THUMPD3: variants seen among roughly 807,000 people sequenced by gnomAD.
THUMPD3 encodes the protein tRNA (guanine(6)-N(2))-methyltransferase THUMP3.
THUMPD3 carries 44 observed loss-of-function variants against 54.5 expected under a neutral mutation model. The observed-to-expected ratio is 0.81, with a 90% CI of 0.63 to 1.04. The LOEUF is 1.04. Ranked by LOEUF, THUMPD3 falls within the 50% of genes least tolerant of loss-of-function variation. THUMPD3 has a pLI of 0.00. For missense variants in THUMPD3, 604 were observed against 601.3 expected (o/e 1.00, Z -0.05); for synonymous variants, 196 against 201.4 (o/e 0.97, Z 0.23).
intron 8 of THUMPD3, 129 bp downstream of exon 8, chr3:9,383,438 G>T: frequency 1.6e-6 from 1 of 624,754 alleles, no homozygotes; most frequent in Non-Finnish European, 2.9e-6. Context: ...ACAACATGAT[G>T]GATTCACCCA....
Position 9,365,845 on chromosome 3 carries a change from C to T in THUMPD3, c.252+525C>T, listed in dbSNP as rs576466797. Among the ~76,000 whole-genome samples, 37 of 152,228 alleles carry T rather than the reference C, an allele frequency of 2.4e-4. No homozygotes were observed. In the South Asian group the frequency reaches 7.7e-3, roughly 32 times the overall value. On this transcript the variant is annotated intron_variant, in intron 2 of 9. Transcript: ENST00000452837. Reference sequence around the variant, plus strand: ...AACCCCGTGATCCACCCGCCTCGACCTCCCAAAGTGCTGGGATTACAGGCC... The same window carrying T: ...AACCCCGTGATCCACCCGCCTCGACTTCCCAAAGTGCTGGGATTACAGGCC...
rs954959695 is a variant in THUMPD3, at chr3:9,384,850, TAA to T, written c.*165_*166del. The T allele has an allele frequency of 7.4e-5, 60 of 813,012 alleles. No individual in the cohort carries two copies. The Admixed American group carries it at 1.2e-3, about 16-fold the overall frequency. The allele number at this position is 813,012 out of a possible 1,614,324, so 50.4% of individuals were successfully genotyped here. On this transcript the variant is annotated 3_prime_UTR_variant, in exon 10 of 10. Coordinates refer to ENST00000452837, the MANE Select transcript of THUMPD3 (RefSeq NM_001114092.2). ...GGTGTGAATGTAATGTGATGGAATT[TAA>T]AAGTTTTATGAGACCAGGCACAGTG...
intron 6 of THUMPD3, 144 bp from the exon 7 acceptor site, chr3:9,380,359 A>G (rs891376487): frequency 8.0e-5 from 48 of 596,858 alleles, no homozygotes; most frequent in Non-Finnish European, 1.3e-4. Context: ...ATAAGAGGGC[A>G]TTTTCAGCCA....
At chr3:9,364,847 A>G (rs1170857949) in intron 1 of THUMPD3, among the ~76,000 whole-genome samples, 169 bp from the exon 2 acceptor site, 1 of 152,146 alleles carries the variant, frequency 6.6e-6, no homozygotes, top group Non-Finnish European at 1.5e-5. Context: ...TAATAACATC[A>G]TGTTTTACAG....
rs1213722230 is a variant in THUMPD3, at chr3:9,385,518, C to T, written c.*830C>T. The T allele has an allele frequency of 6.6e-6, 1 of 152,190 alleles. No homozygotes were observed. The highest frequency in any genetic ancestry group is 6.5e-5 in the Admixed American group (1 of 15,274). The allele number at this position is 152,190 out of a possible 1,614,324, so 9.4% of individuals were successfully genotyped here. On this transcript the variant is annotated 3_prime_UTR_variant, in exon 10 of 10. Coordinates refer to ENST00000452837, the MANE Select transcript of THUMPD3 (RefSeq NM_001114092.2). Reference sequence around the variant, plus strand: ...CAAGACCTATAGGAAAGTTTACCATCTGCCTTAAATATTAAAATATCCATC... The same window carrying T: ...CAAGACCTATAGGAAAGTTTACCATTTGCCTTAAATATTAAAATATCCATC...
chr3:9,382,988 G>T, intron 7 of THUMPD3: 1 of 426,662 alleles, frequency 2.3e-6, no homozygotes. Flanking sequence ...CTCAGCCCCT[G>T]AAAGTGCTGA....
Position 9,374,647 on chromosome 3 carries a change from G to T in THUMPD3, c.938+1G>T. 6.2e-7 allele frequency: 1 copy of T among 1,612,818 alleles called. No individual in the cohort carries two copies. The highest frequency in any genetic ancestry group is 8.5e-7 in the Non-Finnish European group (1 of 1,179,570). ...CAACTCTTGCCTATGGGATGCTCAG[G>T]TAAGAAAATGAGTTTGCCATCCAGC... is the stretch of plus-strand genomic sequence containing the variant. On this transcript the variant is annotated splice_donor_variant, in intron 5 of 9. Coordinates refer to ENST00000452837, the MANE Select transcript of THUMPD3 (RefSeq NM_001114092.2). LOFTEE classifies it high-confidence loss of function.
rs747053467 is a variant in THUMPD3, at chr3:9,365,296, C to G, written c.228C>G (p.Val76=). 1 of 1,614,178 alleles carries G rather than the reference C, an allele frequency of 6.2e-7. No homozygotes were observed. Among genetic ancestry groups the G allele is most frequent in the South Asian group, 1.1e-5 (1 of 91,046 alleles). The change falls in exon 2 of 10, where the codon GTC becomes GTG. Residue 76 remains valine (V), a synonymous_variant. Transcript: ENST00000452837. ...GAGACCGTGGCAAGATATATTTTGT[C>G]ATTTCAGTGGAAAGTCTGGCACAGG... ...ISRDRGKIYF[V]ISVESLAQVH... is the part of the protein sequence containing the mutation.
chr3:9,370,435 A>AT (rs577212407), intron 3 of THUMPD3, among the ~76,000 whole-genome samples: 67 of 152,176 alleles, frequency 4.4e-4, no homozygotes, highest in Non-Finnish European at 6.0e-4. Flanking sequence ...GTCAGTGTTC[A>AT]TTCTCTTTTG....
chr3:9,373,280 G>A (rs2032201417), intron 4 of THUMPD3, among the ~76,000 whole-genome samples: 1 of 151,930 alleles, frequency 6.6e-6, no homozygotes, highest in Admixed American at 6.6e-5. Context: ...ATTGTTTCAG[G>A]CCAGGAGTTC....
In THUMPD3 at chr3:9,386,404, T is replaced by TG. The variant is rs2033337705; in HGVS notation, c.*1716_*1717insG. 3 of 7,124 alleles carry TG rather than the reference T, an allele frequency of 4.2e-4. No individual in the cohort carries two copies. In the South Asian group the frequency reaches 0.012, roughly 27 times the overall value. 0.4% of individuals were successfully genotyped at this position (7,124 alleles called of 1,614,324 possible). A position where few individuals can be genotyped will look rare whatever the true frequency, so the allele number is the denominator to read the frequency against. Reference sequence around the variant, plus strand: ...CCCCACCCCCCACTCCACCCCCCACTAAGGGCAGGGTATTGTATCTGCCAG... The same window carrying TG: ...CCCCACCCCCCACTCCACCCCCCACTGAAGGGCAGGGTATTGTATCTGCCAG... On this transcript the variant is annotated 3_prime_UTR_variant, in exon 10 of 10. Transcript: ENST00000452837.
rs558600432 is a variant in THUMPD3, at chr3:9,374,428, G to A, written c.808-88G>A. ...GGACCAACAGGTTGCCTAAGGAGGG[G>A]TGAACCGGCCCAGGTCAGAAAAGTC... On this transcript the variant is annotated intron_variant, in intron 4 of 9. Coordinates refer to ENST00000452837, the MANE Select transcript of THUMPD3 (RefSeq NM_001114092.2). The A allele has an allele frequency of 3.0e-5, 46 of 1,521,568 alleles. No homozygotes were observed. In the South Asian group the frequency reaches 5.1e-4, roughly 17 times the overall value. The allele number at this position is 1,521,568 out of a possible 1,614,324, so 94.3% of individuals were successfully genotyped here.
intron 7 of THUMPD3, 99 bp from the exon 8 acceptor site, chr3:9,383,100 T>C: frequency 1.4e-5 from 10 of 733,168 alleles, no homozygotes. Context: ...TCCTTAGCAG[T>C]TTATGTTTTG....
At position 9,382,063 on chromosome 3, in the gene THUMPD3, A is replaced by G. The variant is rs562740119; in HGVS notation, c.1125-1136A>G. 2.1e-3 allele frequency among the ~76,000 whole-genome samples: 324 copies of G among 152,034 alleles called. 1 individual carries two copies. Among genetic ancestry groups the G allele is most frequent in the Non-Finnish European group, 2.9e-3 (196 of 67,954 alleles). ...CTCCCAAAGTGCTGGGATTACAGGC[A>G]TGAGCCACTGTGCCCGGCCTCAACC... is the stretch of plus-strand genomic sequence containing the variant. On this transcript the variant is annotated intron_variant, in intron 7 of 9. Transcript: ENST00000452837.
chr3:9,384,777 T>C lies in THUMPD3; in HGVS notation c.*89T>C, dbSNP rs771845779. Reference sequence around the variant, plus strand: ...GAAAAAAGTATTAACAAAACTGCAGTCTGCACTCTTTAAACCTGTTTAAGG... The same window carrying C: ...GAAAAAAGTATTAACAAAACTGCAGCCTGCACTCTTTAAACCTGTTTAAGG... On this transcript the variant is annotated 3_prime_UTR_variant, in exon 10 of 10. Transcript: ENST00000452837. 2.8e-6 allele frequency: 4 copies of C among 1,454,346 alleles called. No homozygotes were observed. The highest frequency in any genetic ancestry group is 3.8e-6 in the Non-Finnish European group (4 of 1,054,822). The allele number at this position is 1,454,346 out of a possible 1,614,324, so 90.1% of individuals were successfully genotyped here.
chr3:9,376,735 A>G (rs1235277580), intron 5 of THUMPD3, among the ~76,000 whole-genome samples: 1 of 152,198 alleles, frequency 6.6e-6, no homozygotes, highest in Non-Finnish European at 1.5e-5. Context: ...GAAGAAACCT[A>G]CTGACCTGTT....
chr3:9,384,382 A>C, intron 9 of THUMPD3, 47 bp downstream of exon 9: 1 of 1,598,152 alleles, frequency 6.3e-7, no homozygotes, highest in Non-Finnish European at 8.5e-7. Context: ...CAACTTTGGG[A>C]TCTTTTTGAG....
At chr3:9,384,469 G>C (rs1310914165) in intron 9 of THUMPD3, 55 bp from the exon 10 acceptor site, 17 of 1,610,044 alleles carry the variant, frequency 1.1e-5, no homozygotes, top group Admixed American at 6.7e-5. Flanking sequence ...AAGAATCCTA[G>C]TTGATGTAAA....
chr3:9,370,690 C>T (rs1445774115), intron 3 of THUMPD3, among the ~76,000 whole-genome samples: 1 of 152,204 alleles, frequency 6.6e-6, no homozygotes, highest in African/African-American at 2.4e-5. Flanking sequence ...AAGTGATCCA[C>T]TTGCTTCAGC....
Sources: gnomAD v4.1 joint callset for allele counts (sites outside exome capture counted in the v4.1 genomes callset) on GRCh38, gnomAD v4.1.1 for gene constraint, MANE v1.5 for transcripts, NCBI Gene and HGNC (gene_info 2026-07-23, HGNC 2026-07-21) for gene names.